TMEM273: variants seen among roughly 807,000 people sequenced by gnomAD.
TMEM273 encodes transmembrane protein 273, also known as chromosome 10 open reading frame 128.
In TMEM273, 19 loss-of-function variants were observed where a neutral mutation model predicts 17.9. The observed-to-expected ratio is 1.06, with a 90% CI of 0.74 to 1.55. The LOEUF (loss-of-function observed/expected upper bound fraction) is 1.55. TMEM273 is among the 40% of genes most tolerant of loss of function. TMEM273 has a pLI of 0.00. For synonymous variants in TMEM273, 66 were observed against 62.0 expected (o/e 1.07, Z -0.31); for missense variants, 194 against 155.6 (o/e 1.25, Z -1.31).
chr10:49,160,034 C>G (rs1001248155), intron 6 of TMEM273, among the ~76,000 whole-genome samples: 4 of 152,140 alleles, frequency 2.6e-5, no homozygotes. Flanking sequence ...AAAAGGCTTC[C>G]TTGTGGATGA....
At chr10:49,188,030 C>T (rs1847831050) in intron 1 of TMEM273, among the ~76,000 whole-genome samples, 1 of 152,232 alleles carries the variant, frequency 6.6e-6, no homozygotes, top group African/African-American at 2.4e-5. Flanking sequence ...CCACAGTTTA[C>T]ACCCAGATGT....
intron 1 of TMEM273, among the ~76,000 whole-genome samples, chr10:49,175,503 G>A (rs955293590): frequency 2.6e-5 from 4 of 152,208 alleles, no homozygotes; most frequent in Non-Finnish European, 4.4e-5. Flanking sequence ...CAATAACAGC[G>A]GGTGACCAGG....
At chr10:49,168,528 TA>T (rs746242603) in intron 1 of TMEM273, among the ~76,000 whole-genome samples, 1 of 152,284 alleles carries the variant, frequency 6.6e-6, no homozygotes, top group South Asian at 2.1e-4. Context: ...GGCTCCATCC[TA>T]AAAGCTTCTC....
chr10:49,167,318 C>T (rs1283957163), intron 2 of TMEM273, among the ~76,000 whole-genome samples: 1 of 152,244 alleles, frequency 6.6e-6, no homozygotes, highest in African/African-American at 2.4e-5. Flanking sequence ...CCTCACTGAT[C>T]CCTTCGTTAA....
intron 1 of TMEM273, among the ~76,000 whole-genome samples, chr10:49,181,970 G>C (rs1847371798): frequency 6.6e-6 from 1 of 152,138 alleles, no homozygotes; most frequent in African/African-American, 2.4e-5. Context: ...AGTATATAAA[G>C]AACTCTTAAA....
intron 1 of TMEM273, among the ~76,000 whole-genome samples, chr10:49,176,839 C>T (rs1279500348): frequency 4.6e-5 from 7 of 152,230 alleles, no homozygotes; most frequent in South Asian, 2.1e-4. Context: ...CACCAGCATC[C>T]GTGCTAGGCA....
At chr10:49,167,080 C>T (rs1846243050) in intron 2 of TMEM273, 71 bp from the exon 3 acceptor site, 1 of 1,579,122 alleles carries the variant, frequency 6.3e-7, no homozygotes, top group Non-Finnish European at 8.6e-7. Flanking sequence ...CAGATGAGGT[C>T]CAAAGCATGC....
intron 1 of TMEM273, among the ~76,000 whole-genome samples, chr10:49,185,350 T>G (rs1847597401): frequency 6.6e-6 from 1 of 152,108 alleles, no homozygotes; most frequent in African/African-American, 2.4e-5. Context: ...CCGGTCATAC[T>G]TGGGATCCTG....
chr10:49,156,310 G>C, intron 6 of TMEM273: 1 of 1,297,938 alleles, frequency 7.7e-7, no homozygotes, highest in African/African-American at 1.5e-5. Flanking sequence ...GGAAAATAAT[G>C]CCTTCACATC....
chr10:49,188,306 G>A lies in TMEM273; in HGVS notation c.31C>T (p.Leu11Phe), dbSNP rs1358861528. The change falls in exon 1 of 7, where the codon CTC (leucine) becomes TTC (phenylalanine). Residue 11 changes from leucine to phenylalanine, a missense_variant. Leu to Phe is a conservative substitution (Grantham distance 22). Coordinates refer to ENST00000374153, the MANE Select transcript of TMEM273 (RefSeq NM_001288740.3). Reference protein sequence around the residue: MNLGVSMLRILFLLDVGGAQV... With the variant: MNLGVSMLRIFFLLDVGGAQV... The stretch of plus-strand genomic sequence containing the variant: ...AGTCCCCACTTACCCAGGAGGAAGA[G>A]GATCCTCAGCATGCTGACCCCCAAG... The A allele has an allele frequency of 6.2e-7, 1 of 1,614,076 alleles. No homozygotes were observed. Among genetic ancestry groups the A allele is most frequent in the Non-Finnish European group, 8.5e-7 (1 of 1,180,026 alleles).
intron 1 of TMEM273, among the ~76,000 whole-genome samples, chr10:49,185,470 C>T (rs1322845361): frequency 6.6e-6 from 1 of 152,108 alleles, no homozygotes; most frequent in Admixed American, 6.5e-5. Context: ...CTCACAGACC[C>T]CCATCTGCCA....
At chr10:49,165,886 C>G (rs1214543050) in intron 3 of TMEM273, 90 bp from the exon 4 acceptor site, 4 of 1,555,056 alleles carry the variant, frequency 2.6e-6, no homozygotes, top group Admixed American at 1.7e-5. Flanking sequence ...TCTCCTTGGT[C>G]CTCTCACTCA....
chr10:49,183,664 T>G (rs1034643267), intron 1 of TMEM273, among the ~76,000 whole-genome samples: 4 of 152,182 alleles, frequency 2.6e-5, no homozygotes, highest in Admixed American at 6.5e-5. Flanking sequence ...GCCACTCACC[T>G]GCTACTTTAA....
chr10:49,173,926 A>G (rs976294123), intron 1 of TMEM273, among the ~76,000 whole-genome samples: 18 of 152,178 alleles, frequency 1.2e-4, no homozygotes, highest in African/African-American at 4.3e-4. Flanking sequence ...TCCATCTTCC[A>G]GCCCACTGTG....
chr10:49,165,622 G>T, intron 4 of TMEM273, 144 bp downstream of exon 4: 1 of 1,297,434 alleles, frequency 7.7e-7, no homozygotes, highest in Non-Finnish European at 1.1e-6. Flanking sequence ...GAGAGTGTAA[G>T]GAGGGGACCA....
At chr10:49,174,838 G>A (rs570444826) in intron 1 of TMEM273, among the ~76,000 whole-genome samples, 1 of 152,218 alleles carries the variant, frequency 6.6e-6, no homozygotes, top group Non-Finnish European at 1.5e-5. Flanking sequence ...CTCCAGCTCA[G>A]GACCCCTGCG....
chr10:49,167,760 G>A, intron 2 of TMEM273, 149 bp downstream of exon 2: 2 of 952,748 alleles, frequency 2.1e-6, no homozygotes, highest in Non-Finnish European at 1.6e-6. Flanking sequence ...GCTGTCAGCT[G>A]CTCTGGGGGA....
At chr10:49,171,952 G>A (rs72789086) in intron 1 of TMEM273, among the ~76,000 whole-genome samples, 22,657 of 152,272 alleles carry the variant, frequency 0.15, 2,031 homozygotes, top group Non-Finnish European at 0.21. Context: ...GGCAGAATCA[G>A]GCTGTGGGAT....
intron 6 of TMEM273, chr10:49,161,265 A>G (rs1433756692): frequency 3.0e-6 from 1 of 332,166 alleles, no homozygotes; most frequent in African/African-American, 2.1e-5. Context: ...CATCAAATGG[A>G]CTAAATTGGC....
Sources: gnomAD v4.1 joint callset for allele counts (sites outside exome capture counted in the v4.1 genomes callset) on GRCh38, gnomAD v4.1.1 for gene constraint, MANE v1.5 for transcripts, NCBI Gene and HGNC (gene_info 2026-07-23, HGNC 2026-07-21) for gene names.